Variants in PIANP observed in about 807,000 individuals in gnomAD.
PIANP encodes the protein PILR alpha-associated neural protein.
A neutral mutation model predicts 28.9 loss-of-function variants in PIANP; 14 were observed. The observed-to-expected ratio is 0.49, with a 90% CI of 0.32 to 0.76. PIANP has a LOEUF of 0.76. Among genes scored for constraint, PIANP ranks in the 30% least tolerant of loss-of-function variants. The pLI, the probability that PIANP is intolerant of heterozygous loss-of-function variation, is 0.03. For synonymous variants in PIANP, 149 were observed against 156.6 expected, an observed-to-expected ratio of 0.95 and a Z score of 0.36; for missense variants, 322 against 371.8, an observed-to-expected ratio of 0.87 and a Z score of 1.10.
In PIANP at chr12:6,694,951, C is replaced by G; in HGVS notation, c.*475G>C. ...GCCAGGAGCCCCTGTGGCCCCAGCTCCCCACAGCTGCCCCACCCTCAGTGG... is the reference window on the plus strand; with the variant it reads ...GCCAGGAGCCCCTGTGGCCCCAGCTGCCCACAGCTGCCCCACCCTCAGTGG... On this transcript the variant is annotated 3_prime_UTR_variant, in exon 5 of 5. Transcript: ENST00000534837. This position sits in a 1 kb window ranked among gnomAD's most constrained non-coding sequence, Gnocchi z 6.1. The G allele has an allele frequency of 6.9e-7, 1 of 1,457,424 alleles. No homozygotes were observed. Among genetic ancestry groups the G allele is most frequent in the Admixed American group, 2.4e-5 (1 of 41,368 alleles). 90.3% of individuals were successfully genotyped at this position (1,457,424 alleles called of 1,614,324 possible).
intron 1 of PIANP, chr12:6,699,847 C>T (rs1959995599): frequency 6.6e-6 from 1 of 152,090 alleles, no homozygotes; most frequent in African/African-American, 2.4e-5. Context: ...TACCGAAAGA[C>T]ATAGGGATGG....
At chr12:6,692,605 T>G (rs1959726249), downstream of PIANP, among the ~76,000 whole-genome samples, 1 of 152,220 alleles carries the variant, frequency 6.6e-6, no homozygotes, top group South Asian at 2.1e-4. Flanking sequence ...CTGGGATATC[T>G]TCATGCCCCC....
chr12:6,698,129 A>G, intron 1 of PIANP, 25 bp from the exon 2 acceptor site: 1 of 1,508,818 alleles, frequency 6.6e-7, no homozygotes, highest in Non-Finnish European at 9.0e-7. Flanking sequence ...GGGCCGTCAC[A>G]CCCCAGCCCT....
At chr12:6,699,101 G>A (rs932518534) in intron 1 of PIANP, among the ~76,000 whole-genome samples, 7 of 152,140 alleles carry the variant, frequency 4.6e-5, no homozygotes, top group African/African-American at 1.4e-4. Flanking sequence ...AAAATTAGCC[G>A]GGGGTAGTGG....
At position 6,695,120 on chromosome 12, in the gene PIANP, G is replaced by C; in HGVS notation, c.*306C>G. 1 of 1,534,640 alleles carries C rather than the reference G, an allele frequency of 6.5e-7. No individual in the cohort carries two copies. The highest frequency in any genetic ancestry group is 1.2e-5 in the South Asian group (1 of 81,470). On this transcript the variant is annotated 3_prime_UTR_variant, in exon 5 of 5. Coordinates refer to ENST00000534837, the MANE Select transcript of PIANP (RefSeq NM_001244014.2). This position sits in a 1 kb window ranked among gnomAD's most constrained non-coding sequence, Gnocchi z 4.2. ...GGGGTAGGCCAGAATAGAAGGGGAA[G>C]TTCAAGACAAAGAGGGGGAATCAAG... is the stretch of plus-strand genomic sequence containing the variant.
chr12:6,695,463 T>G lies in PIANP; in HGVS notation c.794A>C (p.His265Pro), dbSNP rs778210128. The change falls in exon 5 of 5, where the codon CAC (histidine) becomes CCC (proline). Residue 265 changes from histidine (H) to proline (P), a missense_variant. His to Pro is a moderately conservative substitution (Grantham distance 77, BLOSUM62 -2). Coordinates refer to ENST00000534837, the MANE Select transcript of PIANP (RefSeq NM_001244014.2). This position sits in a 1 kb window ranked among gnomAD's most constrained non-coding sequence, Gnocchi z 4.2. Reference protein sequence around the residue: ...PRGGPRPGMPHPKGAPAFQLN... With the variant: ...PRGGPRPGMPPPKGAPAFQLN... ...CTGGAAGGCTGGAGCCCCCTTGGGG[T>G]GGGGCATCCCAGGCCGGGGTCCCCC... The G allele has an allele frequency of 6.6e-7, 1 of 1,509,936 alleles. No individual in the cohort carries two copies. Among genetic ancestry groups the G allele is most frequent in the Non-Finnish European group, 8.9e-7 (1 of 1,127,940 alleles). 93.5% of individuals were successfully genotyped at this position (1,509,936 alleles called of 1,614,324 possible). A position where few individuals can be genotyped will look rare whatever the true frequency, so the allele number is the denominator to read the frequency against.
chr12:6,693,629 T>C (rs1049147937), downstream of PIANP, among the ~76,000 whole-genome samples: 1 of 152,158 alleles, frequency 6.6e-6, no homozygotes, highest in Non-Finnish European at 1.5e-5. Context: ...CCCTTCCATT[T>C]TGTCCCAAGT....
chr12:6,696,600 G>A lies in PIANP; in HGVS notation c.524-76C>T. 15 of 1,036,584 alleles carry A rather than the reference G, an allele frequency of 1.4e-5. No homozygotes were observed. The South Asian group carries it at 2.8e-4, about 19-fold the overall frequency. 64.2% of individuals were successfully genotyped at this position (1,036,584 alleles called of 1,614,324 possible). A position where few individuals can be genotyped will look rare whatever the true frequency, so the allele number is the denominator to read the frequency against. On this transcript the variant is annotated intron_variant, in intron 3 of 4. Transcript: ENST00000534837. The surrounding 1 kb of genome is among the most constrained non-coding windows in gnomAD (Gnocchi z 4.0). Reference sequence around the variant, plus strand: ...AAGAGGGGCTGGGGGCTGGGCTGTGGGCTCTGTCGGCTGGAGTGGCATTGC... The same window carrying A: ...AAGAGGGGCTGGGGGCTGGGCTGTGAGCTCTGTCGGCTGGAGTGGCATTGC...
chr12:6,697,060 C>T lies in PIANP; in HGVS notation c.523+227G>A, dbSNP rs1034611194. Reference sequence around the variant, plus strand: ...TTTTTTGTAAATCATGCTGCACATGCCTCTATTAAAGCATTTATTACGATG... The same window carrying T: ...TTTTTTGTAAATCATGCTGCACATGTCTCTATTAAAGCATTTATTACGATG... On this transcript the variant is annotated intron_variant, in intron 3 of 4. Coordinates refer to ENST00000534837, the MANE Select transcript of PIANP (RefSeq NM_001244014.2). The surrounding 1 kb of genome is among the most constrained non-coding windows in gnomAD (Gnocchi z 6.9). Among the ~76,000 whole-genome samples the T allele has an allele frequency of 5.3e-5, 8 of 152,206 alleles. No individual in the cohort carries two copies. In the East Asian group the frequency reaches 1.3e-3, roughly 26 times the overall value.
At position 6,697,137 on chromosome 12, in the gene PIANP, G is replaced by A. The variant is rs1959889010; in HGVS notation, c.523+150C>T. On this transcript the variant is annotated intron_variant, in intron 3 of 4. Coordinates refer to ENST00000534837, the MANE Select transcript of PIANP (RefSeq NM_001244014.2). This position sits in a 1 kb window ranked among gnomAD's most constrained non-coding sequence, Gnocchi z 6.9. ...GTCTGCTCCAGTGGACCTGAACTCC[G>A]AGAGGGTGTCTTTATCTCTGCATCC... 21 of 1,175,448 alleles carry A rather than the reference G, an allele frequency of 1.8e-5. No homozygotes were observed. Among genetic ancestry groups the A allele is most frequent in the Admixed American group, 5.8e-5 (2 of 34,388 alleles). The allele number at this position is 1,175,448 out of a possible 1,614,324, so 72.8% of individuals were successfully genotyped here.
chr12:6,694,934 C>T lies in PIANP; in HGVS notation c.*492G>A. On this transcript the variant is annotated 3_prime_UTR_variant, in exon 5 of 5. Coordinates refer to ENST00000534837, the MANE Select transcript of PIANP (RefSeq NM_001244014.2). This position sits in a 1 kb window ranked among gnomAD's most constrained non-coding sequence, Gnocchi z 6.1. ...GTGTGCAAGGGGCAGGAGCCAGGAG[C>T]CCCTGTGGCCCCAGCTCCCCACAGC... 1.5e-6 allele frequency: 2 copies of T among 1,373,758 alleles called. No individual in the cohort carries two copies. Among genetic ancestry groups the T allele is most frequent in the Non-Finnish European group, 1.9e-6 (2 of 1,027,920 alleles). 85.1% of individuals were successfully genotyped at this position (1,373,758 alleles called of 1,614,324 possible).
At chr12:6,693,154 A>G (rs989531778), downstream of PIANP, among the ~76,000 whole-genome samples, 20 of 151,962 alleles carry the variant, frequency 1.3e-4, no homozygotes, top group African/African-American at 4.8e-4. Flanking sequence ...CTGAGAGGTG[A>G]CTGATCCCAG....
intron 1 of PIANP, 116 bp from the exon 2 acceptor site, chr12:6,698,220 C>T (rs1022211952): frequency 5.1e-5 from 42 of 820,034 alleles, no homozygotes; most frequent in Admixed American, 3.4e-4. Flanking sequence ...GCCAGCTATG[C>T]GGCTGCACCC....
In PIANP at chr12:6,695,430, C is replaced by T. The variant is rs1959823820; in HGVS notation, c.827G>A (p.Arg276Gln). The T allele has an allele frequency of 2.7e-6, 4 of 1,490,634 alleles. No individual in the cohort carries two copies. The highest frequency in any genetic ancestry group is 1.4e-5 in the South Asian group (1 of 69,996). The allele number at this position is 1,490,634 out of a possible 1,614,324, so 92.3% of individuals were successfully genotyped here. The part of the protein sequence containing the change: ...PKGAPAFQLN[R>Q] ...CCCATCCCATTGCCCCTGCCCTCAC[C>T]GGTTCAACTGGAAGGCTGGAGCCCC... Residue 276 changes from arginine (R) to glutamine (Q), a missense_variant, in exon 5 of 5, where the codon CGG (arginine) becomes CAG (glutamine). Transcript: ENST00000534837. The surrounding 1 kb of genome is among the most constrained non-coding windows in gnomAD (Gnocchi z 4.2).
At position 6,695,482 on chromosome 12, in the gene PIANP, G is replaced by T; in HGVS notation, c.775C>A (p.Pro259Thr). 1.3e-6 allele frequency: 2 copies of T among 1,525,712 alleles called. No individual in the cohort carries two copies. Among genetic ancestry groups the T allele is most frequent in the Non-Finnish European group, 8.8e-7 (1 of 1,136,198 alleles). The allele number at this position is 1,525,712 out of a possible 1,614,324, so 94.5% of individuals were successfully genotyped here. A position where few individuals can be genotyped will look rare whatever the true frequency, so the allele number is the denominator to read the frequency against. Reference protein sequence around the residue: ...TPDHEEPRGGPRPGMPHPKGA... With the variant: ...TPDHEEPRGGTRPGMPHPKGA... Reference sequence around the variant, plus strand: ...TTGGGGTGGGGCATCCCAGGCCGGGGTCCCCCTCGGGGCTCCTCATGGTCA... The same window carrying T: ...TTGGGGTGGGGCATCCCAGGCCGGGTTCCCCCTCGGGGCTCCTCATGGTCA... The change falls in exon 5 of 5, where the codon CCC becomes ACC. Residue 259 changes from proline (P) to threonine (T), a missense_variant. Physicochemically the swap from Pro to Thr is conservative, Grantham distance 38. Coordinates refer to ENST00000534837, the MANE Select transcript of PIANP (RefSeq NM_001244014.2). This position sits in a 1 kb window ranked among gnomAD's most constrained non-coding sequence, Gnocchi z 4.2.
chr12:6,695,943 G>A lies in PIANP; in HGVS notation c.606-292C>T, dbSNP rs1449907825. Among the ~76,000 whole-genome samples the A allele has an allele frequency of 9.2e-5, 14 of 151,980 alleles. No homozygotes were observed. Among genetic ancestry groups the A allele is most frequent in the Non-Finnish European group, 5.9e-5 (4 of 68,008 alleles). ...CACCACAATGTCCTCTCCCCTACAT[G>A]CCCAGAAGAGTCATTTCTGTCTTCA... On this transcript the variant is annotated intron_variant, in intron 4 of 4. Transcript: ENST00000534837. This position sits in a 1 kb window ranked among gnomAD's most constrained non-coding sequence, Gnocchi z 4.2.
At chr12:6,693,398 T>C (rs1302317789), downstream of PIANP, among the ~76,000 whole-genome samples, 1 of 152,118 alleles carries the variant, frequency 6.6e-6, no homozygotes, top group African/African-American at 2.4e-5. Context: ...TCATCTTTTC[T>C]CCATTGCTCC....
downstream of PIANP, among the ~76,000 whole-genome samples, chr12:6,692,223 T>G (rs143207369): frequency 3.9e-3 from 587 of 152,332 alleles, 3 homozygotes; most frequent in African/African-American, 0.014. Context: ...TTATTTAAAT[T>G]TAGAGAAACA....
Position 6,694,974 on chromosome 12 carries a change from T to G in PIANP, c.*452A>C. 2 of 1,499,040 alleles carry G rather than the reference T, an allele frequency of 1.3e-6. No homozygotes were observed. The highest frequency in any genetic ancestry group is 1.8e-6 in the Non-Finnish European group (2 of 1,117,562). 92.9% of individuals were successfully genotyped at this position (1,499,040 alleles called of 1,614,324 possible). On this transcript the variant is annotated 3_prime_UTR_variant, in exon 5 of 5. Transcript: ENST00000534837. The surrounding 1 kb of genome is among the most constrained non-coding windows in gnomAD (Gnocchi z 6.1). The stretch of plus-strand genomic sequence containing the variant: ...CTCCCCACAGCTGCCCCACCCTCAG[T>G]GGGATGGGGGCTGTGCCGGCCCCTT...
Sources: allele counts gnomAD v4.1 joint callset (sites outside exome capture counted in the v4.1 genomes callset), GRCh38; gene constraint gnomAD v4.1.1; non-coding constraint Gnocchi (gnomAD v3.1); transcripts MANE v1.5; gene names NCBI Gene and HGNC (gene_info 2026-07-23, HGNC 2026-07-21).